ATAD1: variants seen among roughly 807,000 people sequenced by gnomAD.
ATAD1 encodes outer mitochondrial transmembrane helix translocase.
ATAD1 carries 18 observed loss-of-function variants against 42.7 expected under a neutral mutation model. That is an observed-to-expected ratio of 0.42 (90% confidence interval 0.29 to 0.63). The LOEUF (loss-of-function observed/expected upper bound fraction) is 0.63. ATAD1 is among the 20% of genes least tolerant of loss of function. ATAD1 has a pLI of 0.19. For synonymous variants in ATAD1, 132 were observed against 143.1 expected (o/e 0.92, Z 0.55); for missense variants, 294 against 440.4 (o/e 0.67, Z 2.98).
At chr10:87,811,810 T>C (rs1857197385) in intron 2 of ATAD1, among the ~76,000 whole-genome samples, 1 of 152,126 alleles carries the variant, frequency 6.6e-6, no homozygotes, top group South Asian at 2.1e-4. Flanking sequence ...ACCTGCAACT[T>C]CAATTGCTAT....
At chr10:87,816,663 T>C (rs748771748) in intron 1 of ATAD1, among the ~76,000 whole-genome samples, 1 of 152,114 alleles carries the variant, frequency 6.6e-6, no homozygotes, top group Non-Finnish European at 1.5e-5. Flanking sequence ...TCCATCAGCA[T>C]GGATTCCAAA....
intron 6 of ATAD1, among the ~76,000 whole-genome samples, chr10:87,772,772 T>G (rs1164262926): frequency 6.6e-6 from 1 of 152,160 alleles, no homozygotes; most frequent in Non-Finnish European, 1.5e-5. Flanking sequence ...TGAAATCACG[T>G]GTAGTTTCAC....
At chr10:87,797,398 T>C (rs1856446486) in intron 2 of ATAD1, among the ~76,000 whole-genome samples, 1 of 152,200 alleles carries the variant, frequency 6.6e-6, no homozygotes, top group African/African-American at 2.4e-5. Flanking sequence ...ACAAATGTTC[T>C]TTCATTTACT....
At chr10:87,776,993 C>CA (rs1215469067) in intron 5 of ATAD1, among the ~76,000 whole-genome samples, 6 of 151,996 alleles carry the variant, frequency 3.9e-5, no homozygotes, top group African/African-American at 1.2e-4. Context: ...TGAAAGATTA[C>CA]AAAAAAATTG....
intron 8 of ATAD1, among the ~76,000 whole-genome samples, chr10:87,762,846 G>A (rs1384724793): frequency 6.7e-6 from 1 of 148,734 alleles, no homozygotes; most frequent in Non-Finnish European, 1.5e-5. Flanking sequence ...TGAGGCGGGC[G>A]GATCATGAGG....
upstream of ATAD1, chr10:87,819,260 CTA>C (rs1328240934): frequency 3.4e-5 from 1 of 29,838 alleles, no homozygotes; most frequent in African/African-American, 2.3e-4. Flanking sequence ...GAAATCGTCT[CTA>C]CAAAAAAAAA....
intron 4 of ATAD1, among the ~76,000 whole-genome samples, chr10:87,786,833 T>C (rs1293894852): frequency 3.9e-5 from 6 of 152,012 alleles, no homozygotes; most frequent in Admixed American, 3.9e-4. Flanking sequence ...TGCACGCCTG[T>C]AATCCCAGCT....
In ATAD1 at chr10:87,754,451, G is replaced by A; in HGVS notation, c.*236C>T. 1 of 324,086 alleles carries A rather than the reference G, an allele frequency of 3.1e-6. No homozygotes were observed. Among genetic ancestry groups the A allele is most frequent in the Admixed American group, 4.4e-5 (1 of 22,720 alleles). 20.1% of individuals were successfully genotyped at this position (324,086 alleles called of 1,614,324 possible). A position where few individuals can be genotyped will look rare whatever the true frequency, so the allele number is the denominator to read the frequency against. On this transcript the variant is annotated 3_prime_UTR_variant, in exon 10 of 10. Coordinates refer to ENST00000680024, the MANE Select transcript of ATAD1 (RefSeq NM_001321967.2). ...GGCTGTACAATATATGGCTGAAAAG[G>A]TCAAACACAAGCACCCACGTTCAGG...
chr10:87,801,236 T>C (rs1856676527), intron 2 of ATAD1, among the ~76,000 whole-genome samples: 1 of 152,242 alleles, frequency 6.6e-6, no homozygotes, highest in African/African-American at 2.4e-5. Context: ...ATCACTTTGG[T>C]GAAATGAATG....
intron 2 of ATAD1, among the ~76,000 whole-genome samples, chr10:87,802,642 CG>C (rs1367790722): frequency 7.3e-6 from 1 of 136,554 alleles, no homozygotes; most frequent in Admixed American, 7.4e-5. Context: ...GACTATGTCA[CG>C]AAAAAAAAAA....
At chr10:87,776,219 AT>A in intron 6 of ATAD1, 101 bp downstream of exon 6, 1 of 798,730 alleles carries the variant, frequency 1.3e-6, no homozygotes, top group Non-Finnish European at 2.1e-6. Context: ...GTAAATAATT[AT>A]GAAAAAAAAG....
intron 6 of ATAD1, among the ~76,000 whole-genome samples, chr10:87,775,521 A>G (rs1340341258): frequency 1.3e-5 from 2 of 151,142 alleles, no homozygotes; most frequent in African/African-American, 2.4e-5. Flanking sequence ...CATTAAAAAA[A>G]AAAAAAAAAA....
At chr10:87,822,679 G>C (rs1231365495), upstream of ATAD1, among the ~76,000 whole-genome samples, 1 of 151,948 alleles carries the variant, frequency 6.6e-6, no homozygotes, top group Non-Finnish European at 1.5e-5. Context: ...ATGGTAATGG[G>C]TACAAAAATA....
intron 9 of ATAD1, among the ~76,000 whole-genome samples, chr10:87,755,266 T>TTGTAAAATTTTAC (rs1854169527): frequency 1.3e-5 from 2 of 152,176 alleles, no homozygotes; most frequent in Non-Finnish European, 2.9e-5. Flanking sequence ...TTTTTACAAA[T>TTGTAAAATTTTAC]TGAGAGTAAA....
intron 1 of ATAD1, among the ~76,000 whole-genome samples, chr10:87,815,727 C>T (rs1311541156): frequency 6.6e-6 from 1 of 152,042 alleles, no homozygotes; most frequent in African/African-American, 2.4e-5. Context: ...TACCCCTCAC[C>T]TCCACTCAAG....
At chr10:87,780,917 G>C (rs1160454478) in intron 5 of ATAD1, among the ~76,000 whole-genome samples, 1 of 152,164 alleles carries the variant, frequency 6.6e-6, no homozygotes, top group Non-Finnish European at 1.5e-5. Context: ...TGGGCTCTGA[G>C]GGGTAAAAAT....
upstream of ATAD1, among the ~76,000 whole-genome samples, chr10:87,821,658 GA>G (rs1335360727): frequency 6.6e-6 from 1 of 152,190 alleles, no homozygotes; most frequent in Non-Finnish European, 1.5e-5. Context: ...TTTTGGCCTA[GA>G]AATCTGCATT....
chr10:87,764,165 A>T (rs1854625255), intron 8 of ATAD1, among the ~76,000 whole-genome samples: 1 of 143,808 alleles, frequency 7.0e-6, no homozygotes, highest in Admixed American at 6.9e-5. Flanking sequence ...TAGTGGCTAT[A>T]AAAAAAAAAA....
At chr10:87,833,580 A>C (rs1792517719) in intron 1 of ATAD1, among the ~76,000 whole-genome samples, 1 of 152,064 alleles carries the variant, frequency 6.6e-6, no homozygotes, top group Non-Finnish European at 1.5e-5. Context: ...TTCACCACAT[A>C]ATATATTAGA....
Sources: allele counts gnomAD v4.1 joint callset (sites outside exome capture counted in the v4.1 genomes callset), GRCh38; gene constraint gnomAD v4.1.1; transcripts MANE v1.5; gene names NCBI Gene and HGNC (gene_info 2026-07-23, HGNC 2026-07-21).